MSI2: variants seen among roughly 807,000 people sequenced by gnomAD.
MSI2 encodes RNA-binding protein Musashi homolog 2.
Under a neutral mutation model 45.6 loss-of-function variants are expected in MSI2, and 17 were observed. The observed-to-expected ratio is 0.37, with a 90% CI of 0.26 to 0.56. The LOEUF is 0.56. Ranked by LOEUF, MSI2 falls within the 20% of genes least tolerant of loss-of-function variation. The pLI is 0.77. For synonymous variants in MSI2, 156 were observed against 158.2 expected (o/e 0.99, Z 0.11); for missense variants, 293 against 444.2 (o/e 0.66, Z 3.06).
At chr17:57,257,217 C>CA (rs1491383342) in intron 2 of MSI2, 79 bp downstream of exon 2, 20 of 30,682 alleles carry the variant, frequency 6.5e-4, no homozygotes, top group Middle Eastern at 0.013. Context: ...GGTGTAGGAG[C>CA]CCCCCCCCCC....
chr17:57,391,600 T>C lies in MSI2; in HGVS notation c.313-9779T>C, dbSNP rs143975940. 1.4e-3 allele frequency among the ~76,000 whole-genome samples: 217 copies of C among 152,144 alleles called. 1 individual carries two copies. The highest frequency in any genetic ancestry group is 4.9e-3 in the African/African-American group (203 of 41,494). ...CTAGGGCCCTACCCCTCACCGTGAG[T>C]CATCTGTGCATCTTCAGAAGAATTC... On this transcript the variant is annotated intron_variant, in intron 5 of 13. Transcript: ENST00000284073.
chr17:57,547,742 A>ACG, intron 7 of MSI2, among the ~76,000 whole-genome samples: 1 of 24,958 alleles, frequency 4.0e-5, no homozygotes, highest in Non-Finnish European at 7.1e-5. Context: ...GACAAAAAGT[A>ACG]CACACACACA....
the MSI2 span, among the ~76,000 whole-genome samples, chr17:57,691,549 C>A: frequency 6.6e-6 from 1 of 152,172 alleles, no homozygotes; most frequent in African/African-American, 2.4e-5. Context: ...TTGTAGTTTT[C>A]AGCATATAGA....
intron 4 of MSI2, 39 bp downstream of exon 4, chr17:57,258,393 G>T (rs1486567165): frequency 2.6e-6 from 4 of 1,519,190 alleles, no homozygotes; most frequent in Non-Finnish European, 2.7e-6. Flanking sequence ...CCCCTTTTCA[G>T]GAACGATCTG....
chr17:57,485,152 C>T (rs556329326), intron 6 of MSI2, among the ~76,000 whole-genome samples: 1 of 152,194 alleles, frequency 6.6e-6, no homozygotes, highest in Non-Finnish European at 1.5e-5. Flanking sequence ...TTAAGAACAG[C>T]CTTCCTGTCA....
intron 11 of MSI2, among the ~76,000 whole-genome samples, chr17:57,669,889 C>T (rs568609623): frequency 6.6e-6 from 1 of 152,290 alleles, no homozygotes; most frequent in African/African-American, 2.4e-5. Context: ...CCAGGGGCCA[C>T]TGCGGTCTTC....
At chr17:57,687,206 C>T (rs1428531460), downstream of MSI2, among the ~76,000 whole-genome samples, 3 of 126,234 alleles carry the variant, frequency 2.4e-5, no homozygotes, top group African/African-American at 9.3e-5. Context: ...AAAATGTAAG[C>T]TTTAAATGCC....
At chr17:57,343,660 C>T (rs1276309150) in intron 5 of MSI2, among the ~76,000 whole-genome samples, 3 of 152,170 alleles carry the variant, frequency 2.0e-5, no homozygotes, top group Non-Finnish European at 2.9e-5. Context: ...ATCAATTGCC[C>T]CAATCTGTCC....
At chr17:57,530,203 G>T (rs1369507635) in intron 7 of MSI2, among the ~76,000 whole-genome samples, 2 of 152,192 alleles carry the variant, frequency 1.3e-5, no homozygotes, top group Non-Finnish European at 2.9e-5. Flanking sequence ...GCTCCGTGGG[G>T]CCTCTGGAAT....
chr17:57,343,496 G>C (rs1280478911), intron 5 of MSI2, among the ~76,000 whole-genome samples: 1 of 151,988 alleles, frequency 6.6e-6, no homozygotes, highest in Non-Finnish European at 1.5e-5. Context: ...TGAGTCATTA[G>C]GGAATAATTG....
At chr17:57,468,777 C>T (rs934969674) in intron 6 of MSI2, among the ~76,000 whole-genome samples, 9 of 152,054 alleles carry the variant, frequency 5.9e-5, no homozygotes, top group African/African-American at 2.2e-4. Flanking sequence ...GGGCCTCATC[C>T]GGGCATCCTG....
intron 6 of MSI2, among the ~76,000 whole-genome samples, chr17:57,485,929 C>T (rs973715419): frequency 2.0e-5 from 3 of 152,206 alleles, no homozygotes; most frequent in African/African-American, 7.2e-5. Flanking sequence ...CTCTTGCAGG[C>T]CAAGACTGCC....
At chr17:57,340,882 C>T (rs1567767734) in intron 5 of MSI2, among the ~76,000 whole-genome samples, 1 of 152,206 alleles carries the variant, frequency 6.6e-6, no homozygotes, top group African/African-American at 2.4e-5. Context: ...CTGTTTGCAT[C>T]TTGGCTGCTC....
chr17:57,282,870 G>A (rs994564084), intron 5 of MSI2, among the ~76,000 whole-genome samples: 1 of 127,776 alleles, frequency 7.8e-6, no homozygotes, highest in African/African-American at 3.1e-5. Flanking sequence ...GTCTCTAGAA[G>A]AGACTTGCCG....
chr17:57,514,773 C>T (rs560969136), intron 6 of MSI2, among the ~76,000 whole-genome samples: 1 of 151,006 alleles, frequency 6.6e-6, no homozygotes, highest in Admixed American at 6.6e-5. Flanking sequence ...TGTCAATACT[C>T]ATTTACAAAG....
At chr17:57,665,610 C>G (rs1011848309) in intron 11 of MSI2, among the ~76,000 whole-genome samples, 1 of 152,148 alleles carries the variant, frequency 6.6e-6, no homozygotes, top group Non-Finnish European at 1.5e-5. Context: ...CCACCCTGCC[C>G]CCTGCCTGCT....
intron 6 of MSI2, among the ~76,000 whole-genome samples, chr17:57,446,443 A>G (rs2084902129): frequency 6.6e-6 from 1 of 152,226 alleles, no homozygotes; most frequent in Non-Finnish European, 1.5e-5. Context: ...ACCTACTGCA[A>G]GCAAAACAGT....
intron 6 of MSI2, among the ~76,000 whole-genome samples, chr17:57,500,689 C>T (rs185934424): frequency 6.6e-6 from 1 of 150,462 alleles, no homozygotes; most frequent in East Asian, 2.0e-4. Flanking sequence ...AATTAGAAGA[C>T]TAGCCAGGTG....
intron 5 of MSI2, among the ~76,000 whole-genome samples, chr17:57,339,722 G>T (rs1355751468): frequency 6.6e-6 from 1 of 152,132 alleles, no homozygotes; most frequent in African/African-American, 2.4e-5. Flanking sequence ...GCCTTCCTGT[G>T]ATCAGTCATT....
Sources: allele counts gnomAD v4.1 joint callset (sites outside exome capture counted in the v4.1 genomes callset), GRCh38; gene constraint gnomAD v4.1.1; transcripts MANE v1.5; gene names NCBI Gene and HGNC (gene_info 2026-07-23, HGNC 2026-07-21).